The following MVB12B variants were observed in gnomAD, a reference collection of about 807,000 sequenced individuals.
MVB12B encodes the protein multivesicular body subunit 12B.
A neutral mutation model predicts 41.6 loss-of-function variants in MVB12B; 16 were observed. The observed-to-expected ratio is 0.38, with a 90% CI of 0.26 to 0.58. The LOEUF (loss-of-function observed/expected upper bound fraction) is 0.58. Among genes scored for constraint, MVB12B ranks in the 20% least tolerant of loss-of-function variants. The pLI is 0.62. For synonymous variants in MVB12B, 133 were observed against 139.7 expected (o/e 0.95, Z 0.34); for missense variants, 274 against 380.2 (o/e 0.72, Z 2.32).
intron 6 of MVB12B, among the ~76,000 whole-genome samples, chr9:126,409,565 C>T (rs578041408): frequency 2.0e-5 from 3 of 152,300 alleles, no homozygotes; most frequent in South Asian, 2.1e-4. Flanking sequence ...GGGTTCAATG[C>T]AGAACTTAGC....
At position 126,351,777 on chromosome 9, in the gene MVB12B, C is replaced by T. The variant is rs946144940; in HGVS notation, c.204+11147C>T. 6.6e-5 allele frequency among the ~76,000 whole-genome samples: 10 copies of T among 152,216 alleles called. No homozygotes were observed. The East Asian group carries it at 9.7e-4, about 15-fold the overall frequency. On this transcript the variant is annotated intron_variant, in intron 2 of 9. Transcript: ENST00000361171. ...TGCTGGGATTACAGGCTTGAGCCACCGTGCCTGGCCCCAGTCTTTCACTCT... is the reference window on the plus strand; with the variant it reads ...TGCTGGGATTACAGGCTTGAGCCACTGTGCCTGGCCCCAGTCTTTCACTCT...
At chr9:126,364,044 A>G (rs1405633300) in intron 2 of MVB12B, among the ~76,000 whole-genome samples, 4 of 152,150 alleles carry the variant, frequency 2.6e-5, no homozygotes, top group Admixed American at 1.3e-4. Context: ...TGGTGCACAC[A>G]TTCTCCACCA....
chr9:126,334,024 C>T (rs1829208635), intron 1 of MVB12B, among the ~76,000 whole-genome samples: 2 of 152,198 alleles, frequency 1.3e-5, no homozygotes. Context: ...GCATCAGTAT[C>T]TCAGGGGGTG....
chr9:126,343,212 G>A (rs146921692), intron 2 of MVB12B, among the ~76,000 whole-genome samples: 16 of 152,296 alleles, frequency 1.1e-4, no homozygotes, highest in East Asian at 7.7e-4. Context: ...TTGTTCCGAC[G>A]TCTGCGGTCC....
At chr9:126,327,843 G>A (rs1428316013) in intron 1 of MVB12B, among the ~76,000 whole-genome samples, 1 of 152,146 alleles carries the variant, frequency 6.6e-6, no homozygotes, top group African/African-American at 2.4e-5. Context: ...ACCACAGGAG[G>A]GCAAAAGGCA....
chr9:126,497,656 T>C (rs1833866793), intron 9 of MVB12B, among the ~76,000 whole-genome samples: 1 of 152,220 alleles, frequency 6.6e-6, no homozygotes, highest in Non-Finnish European at 1.5e-5. Flanking sequence ...GTGAGCATCC[T>C]GGCTTCTCCC....
At chr9:126,375,429 A>T (rs1467091837) in intron 2 of MVB12B, among the ~76,000 whole-genome samples, 1 of 130,768 alleles carries the variant, frequency 7.6e-6, no homozygotes, top group Admixed American at 8.8e-5. Flanking sequence ...AAATGCTCTA[A>T]GGCAGTTGTC....
intron 9 of MVB12B, among the ~76,000 whole-genome samples, chr9:126,494,919 C>T (rs909083637): frequency 4.6e-5 from 7 of 151,926 alleles, no homozygotes; most frequent in Admixed American, 3.3e-4. Flanking sequence ...AGGCCAGGCC[C>T]GGTGGCTCAC....
At position 126,392,632 on chromosome 9, in the gene MVB12B, A is replaced by G. The variant is rs974448874; in HGVS notation, c.539+437A>G. On this transcript the variant is annotated intron_variant, in intron 5 of 9. Coordinates refer to ENST00000361171, the MANE Select transcript of MVB12B (RefSeq NM_033446.3). The surrounding 1 kb of genome is among the most constrained non-coding windows in gnomAD (Gnocchi z 4.8). ...TAAAAGGGACAGACGAGCAATAAAC[A>G]AGAAAATAAATGAGATAATTCCAGA... 7.2e-5 allele frequency among the ~76,000 whole-genome samples: 11 copies of G among 152,266 alleles called. No individual in the cohort carries two copies. Among genetic ancestry groups the G allele is most frequent in the Non-Finnish European group, 1.5e-4 (10 of 68,044 alleles).
chr9:126,383,213 T>C (rs1384673625), intron 3 of MVB12B, among the ~76,000 whole-genome samples: 3 of 152,160 alleles, frequency 2.0e-5, no homozygotes, highest in Admixed American at 6.5e-5. Context: ...TTTTTACAAC[T>C]GTAAAGGAGG....
At chr9:126,405,081 C>T (rs1003095603) in intron 6 of MVB12B, among the ~76,000 whole-genome samples, 5 of 152,262 alleles carry the variant, frequency 3.3e-5, no homozygotes, top group East Asian at 1.9e-4. Context: ...GAAGAATTGA[C>T]GATTCGTCAG....
At position 126,414,930 on chromosome 9, in the gene MVB12B, A is replaced by G. The variant is rs146901173; in HGVS notation, c.663-6924A>G. Among the ~76,000 whole-genome samples the G allele has an allele frequency of 1.0e-3, 155 of 152,082 alleles. 1 individual carries two copies. The highest frequency in any genetic ancestry group is 3.6e-3 in the African/African-American group (149 of 41,466). On this transcript the variant is annotated intron_variant, in intron 6 of 9. Coordinates refer to ENST00000361171, the MANE Select transcript of MVB12B (RefSeq NM_033446.3). ...TTTTTGGTAGAGATGGGGTTTCACC[A>G]TGATGCCCAGGCTGGTCTCAAACTC...
At chr9:126,444,030 A>G (rs1564333049) in intron 7 of MVB12B, among the ~76,000 whole-genome samples, 1 of 152,028 alleles carries the variant, frequency 6.6e-6, no homozygotes, top group Non-Finnish European at 1.5e-5. Context: ...TTCCTTTCCA[A>G]CACTCCAGGT....
At chr9:126,332,656 C>A (rs1411397625) in intron 1 of MVB12B, among the ~76,000 whole-genome samples, 1 of 152,182 alleles carries the variant, frequency 6.6e-6, no homozygotes, top group African/African-American at 2.4e-5. Context: ...AGGGGTCTGA[C>A]AGCTCTGCTG....
chr9:126,473,771 G>A lies in MVB12B; in HGVS notation c.758-7598G>A, dbSNP rs901389193. On this transcript the variant is annotated intron_variant, in intron 7 of 9. Transcript: ENST00000361171. The surrounding 1 kb of genome is among the most constrained non-coding windows in gnomAD (Gnocchi z 4.0). Reference sequence around the variant, plus strand: ...CTCCCGCCGGGCCCCCTCCAATACCGGGGATTACAATTGAACATGAGATTT... The same window carrying A: ...CTCCCGCCGGGCCCCCTCCAATACCAGGGATTACAATTGAACATGAGATTT... Among the ~76,000 whole-genome samples the A allele has an allele frequency of 7.2e-5, 11 of 152,170 alleles. No homozygotes were observed. Among genetic ancestry groups the A allele is most frequent in the African/African-American group, 2.7e-4 (11 of 41,428 alleles).
intron 2 of MVB12B, among the ~76,000 whole-genome samples, chr9:126,345,437 C>T (rs1829561194): frequency 6.6e-6 from 1 of 152,232 alleles, no homozygotes; most frequent in African/African-American, 2.4e-5. Flanking sequence ...TCTGAAAGTC[C>T]AGGTAAGGGA....
chr9:126,434,752 T>G (rs1458492003), intron 7 of MVB12B, among the ~76,000 whole-genome samples: 1 of 152,248 alleles, frequency 6.6e-6, no homozygotes, highest in African/African-American at 2.4e-5. Flanking sequence ...AGACGTAGCT[T>G]CTTTGGCCAG....
chr9:126,425,823 G>A (rs1832160564), intron 7 of MVB12B, among the ~76,000 whole-genome samples: 1 of 152,192 alleles, frequency 6.6e-6, no homozygotes, highest in African/African-American at 2.4e-5. Flanking sequence ...GGGTTTTGAA[G>A]ATGGTTTTCC....
At chr9:126,390,951 C>CAAA (rs1214109113) in intron 4 of MVB12B, among the ~76,000 whole-genome samples, 3 of 76,598 alleles carry the variant, frequency 3.9e-5, no homozygotes, top group Admixed American at 1.4e-4. Context: ...GACTCCATCT[C>CAAA]AAAAAAAAAA....
Sources: allele counts gnomAD v4.1 joint callset (sites outside exome capture counted in the v4.1 genomes callset), GRCh38; gene constraint gnomAD v4.1.1; non-coding constraint Gnocchi (gnomAD v3.1); transcripts MANE v1.5; gene names NCBI Gene and HGNC (gene_info 2026-07-23, HGNC 2026-07-21).